PDE6B: variants seen among roughly 807,000 people sequenced by gnomAD.
The protein encoded by PDE6B is phosphodiesterase 6B.
In PDE6B, 106 loss-of-function variants were observed where a neutral mutation model predicts 109.0. The ratio of observed to expected loss-of-function variants is 0.97; its 90% CI spans 0.83 to 1.14. The LOEUF is 1.14. PDE6B is among the 50% of genes most tolerant of loss of function. The pLI, the probability that PDE6B is intolerant of heterozygous loss-of-function variation, is 0.00. For synonymous variants in PDE6B, 490 were observed against 471.3 expected (o/e 1.04, Z -0.51); for missense variants, 1,193 against 1,155.6 (o/e 1.03, Z -0.47).
At chr4:658,705 A>G (rs1736669236) in intron 10 of PDE6B, among the ~76,000 whole-genome samples, 2 of 152,092 alleles carry the variant, frequency 1.3e-5, no homozygotes, top group South Asian at 4.1e-4. Context: ...CCTGGTCATC[A>G]TGAGAGAGTC....
At chr4:638,512 G>A (rs368194508) in intron 3 of PDE6B, among the ~76,000 whole-genome samples, 8 of 152,002 alleles carry the variant, frequency 5.3e-5, no homozygotes, top group Non-Finnish European at 7.4e-5. Flanking sequence ...TAGTAGAGAC[G>A]GGGTTTCACC....
At chr4:657,139 C>T (rs956066161) in intron 9 of PDE6B, 116 bp downstream of exon 9, 11 of 1,237,518 alleles carry the variant, frequency 8.9e-6, no homozygotes, top group African/African-American at 2.9e-5. Flanking sequence ...CATGTGTGTG[C>T]GGTATGCATG....
At chr4:667,809 G>A (rs1466682961) in intron 20 of PDE6B, 47 bp from the exon 21 acceptor site, 1 of 1,597,040 alleles carries the variant, frequency 6.3e-7, no homozygotes, top group Admixed American at 1.7e-5. Context: ...TTACTCTGGA[G>A]AGAGCAGGCA....
chr4:630,241 G>A (rs959238292), intron 1 of PDE6B, among the ~76,000 whole-genome samples: 3 of 152,156 alleles, frequency 2.0e-5, no homozygotes, highest in Admixed American at 6.5e-5. Context: ...CCCTGTGGCC[G>A]AGGGGAGTTT....
At chr4:629,290 C>T (rs377184538) in intron 1 of PDE6B, among the ~76,000 whole-genome samples, 2 of 152,324 alleles carry the variant, frequency 1.3e-5, no homozygotes, top group South Asian at 2.1e-4. Flanking sequence ...AGCCACCAGC[C>T]CCCCCATCAC....
In PDE6B at chr4:663,220, G is replaced by A; in HGVS notation, c.1920+33G>A. On this transcript the variant is annotated intron_variant, in intron 15 of 21. Transcript: ENST00000496514. This position sits in a 1 kb window ranked among gnomAD's most constrained non-coding sequence, Gnocchi z 4.0. ...TACTCACCCTCGGTTTCTGCTGTGGGCGCTGGGGACGCAGCGTCCGCAGGA... is the reference window on the plus strand; with the variant it reads ...TACTCACCCTCGGTTTCTGCTGTGGACGCTGGGGACGCAGCGTCCGCAGGA... 3 of 1,232,134 alleles carry A rather than the reference G, an allele frequency of 2.4e-6. No homozygotes were observed. Among genetic ancestry groups the A allele is most frequent in the Non-Finnish European group, 3.6e-6 (3 of 831,342 alleles). The allele number at this position is 1,232,134 out of a possible 1,614,324, so 76.3% of individuals were successfully genotyped here.
chr4:634,600 T>G (rs1314232820), intron 1 of PDE6B, 77 bp from the exon 2 acceptor site: 1 of 1,226,444 alleles, frequency 8.2e-7, no homozygotes, highest in Non-Finnish European at 1.2e-6. Context: ...CCACAGAGCT[T>G]GACGACAACC....
intron 3 of PDE6B, among the ~76,000 whole-genome samples, chr4:637,776 G>A (rs938346619): frequency 5.3e-5 from 8 of 152,328 alleles, no homozygotes; most frequent in African/African-American, 1.9e-4. Context: ...GTTCCTGCAC[G>A]TGACCATCGC....
chr4:654,066 T>C lies in PDE6B; in HGVS notation c.853-14T>C. 1 of 1,613,746 alleles carries C rather than the reference T, an allele frequency of 6.2e-7. No homozygotes were observed. Among genetic ancestry groups the C allele is most frequent in the Non-Finnish European group, 8.5e-7 (1 of 1,179,924 alleles). ...CCGCAGTGACCGCCCCACCCTCACC[T>C]CTTCTCTGCCCAGGAATTTTTTGAC... On this transcript the variant is annotated splice_polypyrimidine_tract_variant and intron_variant, in intron 4 of 21. Coordinates refer to ENST00000496514, the MANE Select transcript of PDE6B (RefSeq NM_000283.4).
rs763070500 is a variant in PDE6B, at chr4:664,958, G to T, written c.2193+14G>T. ...GTCCAGAGCAAGGTTAGAACAGAGG[G>T]CCCTCCAGACCCAGAGTCAGTGCCT... On this transcript the variant is annotated intron_variant, in intron 18 of 21. Coordinates refer to ENST00000496514, the MANE Select transcript of PDE6B (RefSeq NM_000283.4). 6.2e-7 allele frequency: 1 copy of T among 1,603,766 alleles called. No homozygotes were observed. The highest frequency in any genetic ancestry group is 1.7e-5 in the Admixed American group (1 of 60,016).
chr4:655,648 A>G (rs1736131959), intron 6 of PDE6B: 1 of 519,802 alleles, frequency 1.9e-6, no homozygotes, highest in South Asian at 2.0e-5. Context: ...ACCCCCTGGC[A>G]CTCAGAGAAG....
At chr4:656,116 C>T (rs1736208313) in intron 7 of PDE6B, 110 bp downstream of exon 7, 2 of 1,008,660 alleles carry the variant, frequency 2.0e-6, no homozygotes, top group African/African-American at 3.1e-5. Context: ...GCTCCACGTG[C>T]CTCAGTGAAG....
rs1233486391 is a variant in PDE6B at position 662,533 on chromosome 4, A to G, written c.1747A>G (p.Thr583Ala). 2 of 1,612,522 alleles carry G rather than the reference A, an allele frequency of 1.2e-6. No individual in the cohort carries two copies. Among genetic ancestry groups the G allele is most frequent in the African/African-American group, 1.3e-5 (1 of 75,040 alleles). Reference sequence around the variant, plus strand: ...GACCGGCAAACTGAAGAGCTACTACACGGACCTGGAGGCCTTCGCCATGGT... The same window carrying G: ...GACCGGCAAACTGAAGAGCTACTACGCGGACCTGGAGGCCTTCGCCATGGT... ...LMTGKLKSYYTDLEAFAMVTA... is the reference protein window; with the variant it reads ...LMTGKLKSYYADLEAFAMVTA... The change falls in exon 14 of 22, where the codon ACG (threonine) becomes GCG (alanine). Residue 583 changes from threonine to alanine, a missense_variant. Physicochemically the swap from Thr to Ala is moderately conservative, Grantham distance 58. Coordinates refer to ENST00000496514, the MANE Select transcript of PDE6B (RefSeq NM_000283.4). The surrounding 1 kb of genome is among the most constrained non-coding windows in gnomAD (Gnocchi z 4.3).
Position 660,562 on chromosome 4 carries a change from C to A in PDE6B, c.1563C>A (p.Ile521=). 2 of 1,613,784 alleles carry A rather than the reference C, an allele frequency of 1.2e-6. No individual in the cohort carries two copies. The highest frequency in any genetic ancestry group is 1.7e-6 in the Non-Finnish European group (2 of 1,179,862). ...CTELDLVKCG[I]QMYYELGVVR... ...AACTGGACCTGGTCAAATGTGGCATCCAGATGTACTACGAGCTGGGCGTGG... is the reference window on the plus strand; with the variant it reads ...AACTGGACCTGGTCAAATGTGGCATACAGATGTACTACGAGCTGGGCGTGG... Residue 521 remains isoleucine, a synonymous_variant, in exon 12 of 22, where the codon ATC becomes ATA. Transcript: ENST00000496514.
At chr4:658,579 G>A (rs1736656774) in intron 10 of PDE6B, among the ~76,000 whole-genome samples, 1 of 152,046 alleles carries the variant, frequency 6.6e-6, no homozygotes, top group East Asian at 1.9e-4. Flanking sequence ...ACGGCCCTGG[G>A]GCCAGAGCTG....
At position 653,954 on chromosome 4, in the gene PDE6B, C is replaced by A. The variant is rs150497650; in HGVS notation, c.814C>A (p.Arg272=). 6.2e-7 allele frequency: 1 copy of A among 1,613,832 alleles called. No homozygotes were observed. Among genetic ancestry groups the A allele is most frequent in the African/African-American group, 1.3e-5 (1 of 75,052 alleles). The change falls in exon 4 of 22, where the codon CGG becomes AGG. Residue 272 remains arginine, a synonymous_variant. Transcript: ENST00000496514. ...GGTGCGGGCCTACCTCAACTGCGAG[C>A]GGTACTCCGTGGGCCTCCTGGACAT... ...YTVRAYLNCE[R]YSVGLLDMTK...
At chr4:630,841 C>T (rs1018704242) in intron 1 of PDE6B, among the ~76,000 whole-genome samples, 2 of 152,180 alleles carry the variant, frequency 1.3e-5, no homozygotes, top group African/African-American at 2.4e-5. Context: ...AAAGCCTCAG[C>T]GTGAAGGTCT....
intron 8 of PDE6B, 70 bp downstream of exon 8, chr4:656,362 A>G (rs1736243785): frequency 9.4e-7 from 1 of 1,061,652 alleles, no homozygotes; most frequent in African/African-American, 1.6e-5. Flanking sequence ...AGCGATGATG[A>G]AGTGAATTCG....
chr4:629,860 C>A (rs1734296706), intron 1 of PDE6B, among the ~76,000 whole-genome samples: 1 of 152,196 alleles, frequency 6.6e-6, no homozygotes, highest in Non-Finnish European at 1.5e-5. Context: ...CGAGGCCCAG[C>A]TGCTCGGCTA....
Sources: gnomAD v4.1 joint callset for allele counts (sites outside exome capture counted in the v4.1 genomes callset) on GRCh38, gnomAD v4.1.1 for gene constraint, Gnocchi (gnomAD v3.1) non-coding constraint, MANE v1.5 for transcripts, NCBI Gene and HGNC (gene_info 2026-07-23, HGNC 2026-07-21) for gene names.